GARNL3: variants seen among roughly 807,000 people sequenced by gnomAD.
The protein encoded by GARNL3 is GTPase activating Rap/RanGAP domain like 3.
GARNL3 carries 63 observed loss-of-function variants against 125.0 expected under a neutral mutation model. The observed-to-expected ratio is 0.50, with a 90% CI of 0.41 to 0.62. The LOEUF is 0.62. Among genes scored for constraint, GARNL3 ranks in the 20% least tolerant of loss-of-function variants. The pLI, the probability that GARNL3 is intolerant of heterozygous loss-of-function variation, is 0.00. For synonymous variants in GARNL3, 439 were observed against 457.5 expected (o/e 0.96, Z 0.52); for missense variants, 994 against 1,244.0 (o/e 0.80, Z 3.02).
intron 1 of GARNL3, among the ~76,000 whole-genome samples, chr9:127,241,936 T>TTTGTTGTTGTTGTTG (rs148526680): frequency 6.7e-6 from 1 of 150,254 alleles, no homozygotes; most frequent in Non-Finnish European, 1.5e-5. Context: ...CCCGGCCTGG[T>TTTGTTGTTGTTGTTG]TTGTTGTTGT....
intron 1 of GARNL3, among the ~76,000 whole-genome samples, chr9:127,270,154 T>C (rs1447119740): frequency 6.6e-6 from 1 of 152,142 alleles, no homozygotes; most frequent in East Asian, 1.9e-4. Context: ...GACATCCAGT[T>C]TTCCCAGCAC....
chr9:127,365,162 T>C (rs1015198495), intron 21 of GARNL3, 138 bp from the exon 22 acceptor site: 6 of 689,278 alleles, frequency 8.7e-6, no homozygotes, highest in African/African-American at 7.2e-5. Context: ...GCATTGTGGG[T>C]GCTGGTGGGG....
At chr9:127,380,344 TAAC>T (rs1172979678) in intron 22 of GARNL3, among the ~76,000 whole-genome samples, 2 of 151,582 alleles carry the variant, frequency 1.3e-5, no homozygotes, top group South Asian at 2.1e-4. Flanking sequence ...CAGAAAAAAA[TAAC>T]AAAGCTCATA....
chr9:127,263,478 A>G (rs559828809), upstream of GARNL3, among the ~76,000 whole-genome samples: 4 of 152,146 alleles, frequency 2.6e-5, no homozygotes, highest in Middle Eastern at 3.4e-3. Flanking sequence ...CACTCCTCTC[A>G]CTGGAGCGGC....
chr9:127,364,909 C>A lies in GARNL3; in HGVS notation c.2095-391C>A. The A allele has an allele frequency of 5.4e-6, 1 of 186,792 alleles. No individual in the cohort carries two copies. The allele number at this position is 186,792 out of a possible 1,614,324, so 11.6% of individuals were successfully genotyped here. A position where few individuals can be genotyped will look rare whatever the true frequency, so the allele number is the denominator to read the frequency against. ...ATCTTCTGTAAAATGATAATTATAC[C>A]ATAATGTCAATAATATTAGGTTGAT... On this transcript the variant is annotated intron_variant, in intron 21 of 27. Coordinates refer to ENST00000373387, the MANE Select transcript of GARNL3 (RefSeq NM_032293.5). This position sits in a 1 kb window ranked among gnomAD's most constrained non-coding sequence, Gnocchi z 4.2.
intron 16 of GARNL3, among the ~76,000 whole-genome samples, chr9:127,347,003 G>A (rs1486841173): frequency 6.6e-6 from 1 of 152,236 alleles, no homozygotes; most frequent in Non-Finnish European, 1.5e-5. Context: ...TCAGACCAGA[G>A]CAACTGTGGG....
At chr9:127,321,341 TCCTGAC>T (rs2065393481) in intron 6 of GARNL3, among the ~76,000 whole-genome samples, 1 of 152,128 alleles carries the variant, frequency 6.6e-6, no homozygotes, top group Non-Finnish European at 1.5e-5. Flanking sequence ...GGTCTCAAAC[TCCTGAC>T]CTCAGGTGAT....
chr9:127,329,352 G>A (rs1746425239), intron 7 of GARNL3, among the ~76,000 whole-genome samples: 1 of 152,118 alleles, frequency 6.6e-6, no homozygotes, highest in South Asian at 2.1e-4. Flanking sequence ...ATATAAGCTA[G>A]GGCTGTCTTG....
chr9:127,335,008 G>T lies in GARNL3; in HGVS notation c.770-222G>T, dbSNP rs1209523485. ...TTCTTATGACCTTCTCCATTCTGAG[G>T]CAAGGCATGAATTGGACAGCAAGTG... On this transcript the variant is annotated intron_variant, in intron 9 of 27. Transcript: ENST00000373387. 2.0e-5 allele frequency among the ~76,000 whole-genome samples: 3 copies of T among 152,350 alleles called. 1 individual carries two copies. The South Asian group carries it at 6.2e-4, about 32-fold the overall frequency.
At chr9:127,362,116 G>C (rs1306267261) in intron 21 of GARNL3, 1 of 144,962 alleles carries the variant, frequency 6.9e-6, no homozygotes, top group Non-Finnish European at 1.5e-5. Context: ...TTGTACCCCA[G>C]GCTGGAGTGC....
At chr9:127,335,727 C>G (rs1478918068) in intron 10 of GARNL3, among the ~76,000 whole-genome samples, 1 of 152,050 alleles carries the variant, frequency 6.6e-6, no homozygotes, top group African/African-American at 2.4e-5. Flanking sequence ...TACCTTTTCT[C>G]TGTGCCTTCT....
At chr9:127,357,152 G>C in intron 20 of GARNL3, 67 bp from the exon 21 acceptor site, 5 of 1,522,470 alleles carry the variant, frequency 3.3e-6, no homozygotes, top group Non-Finnish European at 4.5e-6. Flanking sequence ...AATGGGCAGT[G>C]GGGCTTGGCA....
chr9:127,340,811 A>G (rs906457934), intron 13 of GARNL3, among the ~76,000 whole-genome samples: 3 of 151,886 alleles, frequency 2.0e-5, no homozygotes, highest in African/African-American at 7.3e-5. Context: ...AGGGACAGGC[A>G]CATGTTGTTT....
At chr9:127,340,790 A>G (rs905724052) in intron 13 of GARNL3, among the ~76,000 whole-genome samples, 8 of 151,922 alleles carry the variant, frequency 5.3e-5, no homozygotes, top group African/African-American at 1.9e-4. Flanking sequence ...CCAGTCCCTC[A>G]GGCCAGGGCA....
chr9:127,326,955 T>C (rs1357920417), intron 7 of GARNL3, among the ~76,000 whole-genome samples: 1 of 152,206 alleles, frequency 6.6e-6, no homozygotes, highest in Non-Finnish European at 1.5e-5. Context: ...ATTTCTGTTA[T>C]TTTTAAGCCA....
intron 1 of GARNL3, among the ~76,000 whole-genome samples, chr9:127,277,333 C>A (rs1440891643): frequency 1.3e-5 from 2 of 151,448 alleles, no homozygotes; most frequent in Non-Finnish European, 2.9e-5. Context: ...TTTCCTTGAG[C>A]TTCTGGCACT....
At chr9:127,305,527 A>C (rs2064928599) in intron 2 of GARNL3, among the ~76,000 whole-genome samples, 1 of 152,084 alleles carries the variant, frequency 6.6e-6, no homozygotes, top group African/African-American at 2.4e-5. Context: ...GTATTCAGTG[A>C]AGAGGAAAGT....
At chr9:127,318,190 C>T in intron 5 of GARNL3, 63 bp downstream of exon 5, 1 of 972,972 alleles carries the variant, frequency 1.0e-6, no homozygotes, top group South Asian at 1.3e-5. Flanking sequence ...CTGTTTTTGC[C>T]TGTGATCATT....
intron 1 of GARNL3, among the ~76,000 whole-genome samples, chr9:127,276,072 G>T (rs1440652934): frequency 6.6e-6 from 1 of 150,928 alleles, no homozygotes; most frequent in Non-Finnish European, 1.5e-5. Context: ...AACTGCTCTT[G>T]CCAAGGTCAC....
Sources: gnomAD v4.1 joint callset for allele counts (sites outside exome capture counted in the v4.1 genomes callset) on GRCh38, gnomAD v4.1.1 for gene constraint, Gnocchi (gnomAD v3.1) non-coding constraint, MANE v1.5 for transcripts, NCBI Gene and HGNC (gene_info 2026-07-23, HGNC 2026-07-21) for gene names.